RORB: variants seen among roughly 807,000 people sequenced by gnomAD.
RORB encodes the protein RAR related orphan receptor B.
A neutral mutation model predicts 59.1 loss-of-function variants in RORB; 6 were observed. The observed-to-expected ratio is 0.10, with a 90% CI of 0.06 to 0.20. The LOEUF (loss-of-function observed/expected upper bound fraction) is 0.20. RORB is among the 10% of genes least tolerant of loss of function. RORB has a pLI of 1.00. For missense variants in RORB, 320 were observed against 560.5 expected (o/e 0.57, Z 4.33); for synonymous variants, 215 against 204.5 (o/e 1.05, Z -0.44).
intron 4 of RORB, among the ~76,000 whole-genome samples, chr9:74,644,229 A>G (rs1438363731): frequency 1.3e-5 from 2 of 152,224 alleles, no homozygotes; most frequent in Non-Finnish European, 2.9e-5. Flanking sequence ...CCTTTTAGCA[A>G]TGCAGCATGT....
At chr9:74,557,742 C>T (rs1370969073) in intron 1 of RORB, among the ~76,000 whole-genome samples, 1 of 151,980 alleles carries the variant, frequency 6.6e-6, no homozygotes, top group Non-Finnish European at 1.5e-5. Flanking sequence ...CTCAAGTAAC[C>T]AGGACAAACT....
At chr9:74,600,105 C>T (rs189218217) in intron 1 of RORB, among the ~76,000 whole-genome samples, 1 of 152,302 alleles carries the variant, frequency 6.6e-6, no homozygotes, top group East Asian at 1.9e-4. Context: ...CCGCTCTGGA[C>T]ATGTCCCTCT....
At position 74,537,965 on chromosome 9, in the gene RORB, G is replaced by C. The variant is rs77196821; in HGVS notation, c.7+39982G>C. On this transcript the variant is annotated intron_variant, in intron 1 of 9. Coordinates refer to ENST00000376896, the MANE Select transcript of RORB (RefSeq NM_006914.4). ...CAGCTCTCACTCACTGACTCATCCA[G>C]AGAAACTTCCAGTCCTGCAAGCTCC... Among the ~76,000 whole-genome samples the C allele has an allele frequency of 1.3e-3, 203 of 152,202 alleles. 1 individual carries two copies. The highest frequency in any genetic ancestry group is 4.7e-3 in the African/African-American group (197 of 41,542).
chr9:74,631,303 C>T (rs756048276), intron 2 of RORB, among the ~76,000 whole-genome samples: 1 of 152,158 alleles, frequency 6.6e-6, no homozygotes, highest in Non-Finnish European at 1.5e-5. Context: ...CCATGTGTAA[C>T]CAGAACAAAT....
chr9:74,672,272 AG>A (rs758160358), intron 9 of RORB, among the ~76,000 whole-genome samples: 3 of 152,192 alleles, frequency 2.0e-5, no homozygotes, highest in African/African-American at 4.8e-5. Context: ...CAAAGTTAAA[AG>A]TAGGCAGATT....
chr9:74,672,118 G>C (rs1824356605), intron 9 of RORB, among the ~76,000 whole-genome samples: 1 of 152,140 alleles, frequency 6.6e-6, no homozygotes, highest in African/African-American at 2.4e-5. Flanking sequence ...TGACAGATCT[G>C]AATCCAAGCT....
At chr9:74,564,534 G>A (rs1175728190) in intron 1 of RORB, among the ~76,000 whole-genome samples, 1 of 152,156 alleles carries the variant, frequency 6.6e-6, no homozygotes, top group Non-Finnish European at 1.5e-5. Context: ...TTGCTGAAAA[G>A]CATTGTACTT....
chr9:74,685,943 G>A lies in RORB; in HGVS notation c.*325G>A, dbSNP rs961552125. 2.9e-5 allele frequency: 5 copies of A among 169,596 alleles called. No individual in the cohort carries two copies. The highest frequency in any genetic ancestry group is 3.8e-5 in the Non-Finnish European group (3 of 79,942). 10.5% of individuals were successfully genotyped at this position (169,596 alleles called of 1,614,324 possible). On this transcript the variant is annotated 3_prime_UTR_variant, in exon 10 of 10. Coordinates refer to ENST00000376896, the MANE Select transcript of RORB (RefSeq NM_006914.4). ...TTGTAGATATATACAAGAAAAGAGC[G>A]GTACTTTACATGATTACTTTTCCTG...
At chr9:74,542,068 A>C (rs1327845743) in intron 1 of RORB, among the ~76,000 whole-genome samples, 1 of 152,074 alleles carries the variant, frequency 6.6e-6, no homozygotes. Flanking sequence ...AAGCAAATGC[A>C]ATCCTCTTAA....
intron 1 of RORB, among the ~76,000 whole-genome samples, chr9:74,602,284 A>C (rs1228710155): frequency 6.6e-6 from 1 of 152,220 alleles, no homozygotes. Flanking sequence ...TTTAATGAGT[A>C]TCTGGACCTG....
At chr9:74,616,928 C>A (rs1399128124) in intron 1 of RORB, among the ~76,000 whole-genome samples, 4 of 151,884 alleles carry the variant, frequency 2.6e-5, no homozygotes, top group Non-Finnish European at 5.9e-5. Flanking sequence ...CCAGATATTT[C>A]TCTTTCTCCA....
chr9:74,622,821 A>G (rs566150923), intron 1 of RORB, among the ~76,000 whole-genome samples: 141 of 152,158 alleles, frequency 9.3e-4, no homozygotes, highest in Non-Finnish European at 1.6e-3. Flanking sequence ...CACCGTGCCC[A>G]GCCACAACCC....
intron 1 of RORB, among the ~76,000 whole-genome samples, chr9:74,612,852 C>CAA (rs374621845): frequency 1.3e-5 from 2 of 150,306 alleles, no homozygotes; most frequent in African/African-American, 2.4e-5. Flanking sequence ...TGCTTTCTGA[C>CAA]AAAAAAAAAG....
At chr9:74,617,287 C>T (rs1823329428) in intron 1 of RORB, among the ~76,000 whole-genome samples, 1 of 152,068 alleles carries the variant, frequency 6.6e-6, no homozygotes, top group Non-Finnish European at 1.5e-5. Flanking sequence ...TCCAAAAGAT[C>T]ATTAGATTGT....
At chr9:74,649,324 C>T (rs1823953335) in intron 4 of RORB, among the ~76,000 whole-genome samples, 1 of 152,124 alleles carries the variant, frequency 6.6e-6, no homozygotes, top group African/African-American at 2.4e-5. Flanking sequence ...TTACTTGACT[C>T]TTCTGAAATT....
At chr9:74,541,279 CAAAAAAAAAAAAAAA>C (rs374556016) in intron 1 of RORB, among the ~76,000 whole-genome samples, 1 of 43,574 alleles carries the variant, frequency 2.3e-5, no homozygotes, top group Non-Finnish European at 3.5e-5. Flanking sequence ...GACTCCATCT[CAAAAAAAAAAAAAAA>C]AAAAAAAAAA....
intron 1 of RORB, among the ~76,000 whole-genome samples, chr9:74,501,274 A>G (rs538281635): frequency 6.6e-6 from 1 of 152,246 alleles, no homozygotes; most frequent in South Asian, 2.1e-4. Flanking sequence ...GTTTTCCTCT[A>G]TTATTTGCAG....
chr9:74,579,262 T>G (rs1156687617), intron 1 of RORB, among the ~76,000 whole-genome samples: 1 of 152,132 alleles, frequency 6.6e-6, no homozygotes, highest in Non-Finnish European at 1.5e-5. Context: ...TGCTGGACAG[T>G]AGCAAAACTA....
At chr9:74,661,789 C>T (rs1254018430) in intron 5 of RORB, among the ~76,000 whole-genome samples, 1 of 135,464 alleles carries the variant, frequency 7.4e-6, no homozygotes, top group Non-Finnish European at 1.5e-5. Context: ...GGACTACAGG[C>T]GCCCCCCCAC....
Sources: gnomAD v4.1 joint callset for allele counts (sites outside exome capture counted in the v4.1 genomes callset) on GRCh38, gnomAD v4.1.1 for gene constraint, MANE v1.5 for transcripts, NCBI Gene and HGNC (gene_info 2026-07-23, HGNC 2026-07-21) for gene names.